Variants in CYP2A13 observed in about 807,000 individuals in gnomAD.
CYP2A13 encodes cytochrome P450 family 2 subfamily A member 13.
In CYP2A13, 30 loss-of-function variants were observed where a neutral mutation model predicts 39.4. The observed-to-expected ratio is 0.76, with a 90% confidence interval of 0.57 to 1.03. CYP2A13 has a LOEUF of 1.03. Ranked by LOEUF, CYP2A13 falls within the 50% of genes least tolerant of loss-of-function variation. The pLI is 0.00. For synonymous variants in CYP2A13, 269 were observed against 254.7 expected, an observed-to-expected ratio of 1.06 and a Z score of -0.54; for missense variants, 731 against 648.4, an observed-to-expected ratio of 1.13 and a Z score of -1.38.
chr19:41,092,010 T>G lies in CYP2A13; in HGVS notation c.831+102T>G, dbSNP rs1031859164. 5.9e-6 allele frequency: 9 copies of G among 1,516,388 alleles called. No homozygotes were observed. The African/African-American group carries it at 1.1e-4, about 19-fold the overall frequency. The allele number at this position is 1,516,388 out of a possible 1,614,324, so 93.9% of individuals were successfully genotyped here. A position where few individuals can be genotyped will look rare whatever the true frequency, so the allele number is the denominator to read the frequency against. On this transcript the variant is annotated intron_variant, in intron 5 of 8. Transcript: ENST00000330436. ...GACACAGGCCCATTCAAATTAGCCC[T>G]CGTCATAATAATCCTTACAATTGGC...
At chr19:41,089,946 C>G (rs1427564228) in intron 2 of CYP2A13, 101 bp from the exon 3 acceptor site, 7 of 1,407,348 alleles carry the variant, frequency 5.0e-6, no homozygotes, top group Non-Finnish European at 6.6e-6. Context: ...TCTCCCACCC[C>G]ACTCCCTCTC....
chr19:41,090,207 G>A lies in CYP2A13; in HGVS notation c.493+11G>A. 1 of 1,557,060 alleles carries A rather than the reference G, an allele frequency of 6.4e-7. No homozygotes were observed. Among genetic ancestry groups the A allele is most frequent in the Non-Finnish European group, 8.7e-7 (1 of 1,150,670 alleles). ...TCCGGGGCACGCACGGTGAGTAGGG[G>A]ACCCCGAGTGCGAGGGCGGGAACCC... On this transcript the variant is annotated intron_variant, in intron 3 of 8. Coordinates refer to ENST00000330436, the MANE Select transcript of CYP2A13 (RefSeq NM_000766.5).
chr19:41,090,666 G>C, intron 4 of CYP2A13, 102 bp downstream of exon 4: 8 of 1,564,144 alleles, frequency 5.1e-6, no homozygotes, highest in Non-Finnish European at 6.1e-6. Flanking sequence ...TCCAGACAGT[G>C]TCCCCTCAAA....
In CYP2A13 at chr19:41,095,794, A is replaced by G; in HGVS notation, c.1338A>G (p.Arg446=). 10 of 1,614,032 alleles carry G rather than the reference A, an allele frequency of 6.2e-6. No individual in the cohort carries two copies. Among genetic ancestry groups the G allele is most frequent in the Non-Finnish European group, 8.5e-6 (10 of 1,179,982 alleles). Residue 446 remains arginine, a synonymous_variant, in exon 9 of 9, where the codon AGA becomes AGG. Coordinates refer to ENST00000330436, the MANE Select transcript of CYP2A13 (RefSeq NM_000766.5). The stretch of plus-strand genomic sequence containing the variant: ...ACTGTTTTGGAGAAGGCCTGGCCAG[A>G]ATGGAGCTCTTTCTCTTCTTCACCA... ...KRYCFGEGLA[R]MELFLFFTTI...
chr19:41,095,991 C>G lies in CYP2A13; in HGVS notation c.*50C>G, dbSNP rs1709083. The G allele has an allele frequency of 0.28, 150,758 of 537,096 alleles. 8,741 individuals are homozygous for G. Among genetic ancestry groups the G allele is most frequent in the African/African-American group, 0.46 (17,470 of 37,966 alleles). The allele number at this position is 537,096 out of a possible 1,614,324, so 33.3% of individuals were successfully genotyped here. On this transcript the variant is annotated 3_prime_UTR_variant, in exon 9 of 9. Transcript: ENST00000330436. ...TGGTGGGCGGGGCCAGGGAAACGGC[C>G]GGGGCAGGGGCGGGGCTTGTGGGAG...
chr19:41,089,131 T>C (rs1263144140), intron 2 of CYP2A13, 40 bp downstream of exon 2: 3 of 1,610,330 alleles, frequency 1.9e-6, no homozygotes, highest in East Asian at 2.2e-5. Context: ...GCCAGGTGGA[T>C]GCAATGGTCT....
At chr19:41,095,417 G>A (rs1472775094) in intron 8 of CYP2A13, among the ~76,000 whole-genome samples, 1 of 152,080 alleles carries the variant, frequency 6.6e-6, no homozygotes. Flanking sequence ...GGGGGTAGGG[G>A]CATCTAAACC....
intron 4 of CYP2A13, among the ~76,000 whole-genome samples, chr19:41,090,807 T>A (rs1021491265): frequency 3.9e-5 from 6 of 152,172 alleles, no homozygotes; most frequent in African/African-American, 1.4e-4. Flanking sequence ...GCAGGATGCA[T>A]ACCCTCAGCT....
intron 5 of CYP2A13, among the ~76,000 whole-genome samples, chr19:41,092,279 G>A (rs918466840): frequency 7.7e-6 from 1 of 129,996 alleles, no homozygotes; most frequent in African/African-American, 3.0e-5. Flanking sequence ...TCATGCCACT[G>A]CACTCCGGCC....
chr19:41,091,687 C>T (rs376083988), intron 4 of CYP2A13, 45 bp from the exon 5 acceptor site: 40 of 1,606,458 alleles, frequency 2.5e-5, no homozygotes, highest in African/African-American at 1.2e-4. Context: ...GCTCCTGCCC[C>T]GTGACAGCTG....
intron 5 of CYP2A13, among the ~76,000 whole-genome samples, chr19:41,092,994 A>G (rs1383396338): frequency 6.6e-6 from 1 of 151,964 alleles, no homozygotes; most frequent in East Asian, 1.9e-4. Flanking sequence ...CTTTCCAAAT[A>G]TTCCTATCAT....
chr19:41,096,165 G>A lies in CYP2A13; in HGVS notation c.*224G>A, dbSNP rs1175696251. ...GAAACCTTACAGTATGCTACAAAGA[G>A]TAGTAATAATAGCAGCTCTTATTTC... is the stretch of plus-strand genomic sequence containing the variant. On this transcript the variant is annotated 3_prime_UTR_variant, in exon 9 of 9. Coordinates refer to ENST00000330436, the MANE Select transcript of CYP2A13 (RefSeq NM_000766.5). 1 of 661,320 alleles carries A rather than the reference G, an allele frequency of 1.5e-6. No individual in the cohort carries two copies. The highest frequency in any genetic ancestry group is 2.6e-6 in the Non-Finnish European group (1 of 387,604). The allele number at this position is 661,320 out of a possible 1,614,324, so 41.0% of individuals were successfully genotyped here. A position where few individuals can be genotyped will look rare whatever the true frequency, so the allele number is the denominator to read the frequency against.
At chr19:41,095,414 G>A (rs1161053950) in intron 8 of CYP2A13, among the ~76,000 whole-genome samples, 1 of 152,106 alleles carries the variant, frequency 6.6e-6, no homozygotes, top group African/African-American at 2.4e-5. Context: ...CTGGGGGGTA[G>A]GGGCATCTAA....
rs769530297 is a variant in CYP2A13 at position 41,094,400 on chromosome 19, G to A, written c.1129G>A (p.Asp377Asn). The change falls in exon 7 of 9, where the codon GAC becomes AAC. Residue 377 changes from aspartate to asparagine, a missense_variant. Transcript: ENST00000330436. Reference protein sequence around the residue: ...PMGLAHRVNKDTKFRDFFLPK... With the variant: ...PMGLAHRVNKNTKFRDFFLPK... ...GGGTTTGGCCCACAGGGTCAACAAG[G>A]ACACCAAGTTTCGGGATTTCTTCCT... 1.2e-6 allele frequency: 2 copies of A among 1,614,044 alleles called. No individual in the cohort carries two copies. The highest frequency in any genetic ancestry group is 2.2e-5 in the South Asian group (2 of 91,072).
chr19:41,089,307 G>T (rs551715586), intron 2 of CYP2A13, among the ~76,000 whole-genome samples: 1 of 151,948 alleles, frequency 6.6e-6, no homozygotes, highest in African/African-American at 2.4e-5. Context: ...TCTCTGCCCC[G>T]TCTCCTCCTT....
At chr19:41,090,669 C>T (rs1056724450) in intron 4 of CYP2A13, 105 bp downstream of exon 4, 48 of 1,550,508 alleles carry the variant, frequency 3.1e-5, no homozygotes, top group Non-Finnish European at 3.6e-5. Context: ...AGACAGTGTC[C>T]CCTCAAAATC....
At chr19:41,089,176 C>A (rs936447755) in intron 2 of CYP2A13, 85 bp downstream of exon 2, 41 of 1,582,374 alleles carry the variant, frequency 2.6e-5, no homozygotes, top group African/African-American at 1.5e-4. Flanking sequence ...CTCTCCTGCC[C>A]ACTGGAGGCT....
chr19:41,089,851 TCTCTCTCTCTCTCTC>T (rs1568366714), intron 2 of CYP2A13, among the ~76,000 whole-genome samples, 181 bp from the exon 3 acceptor site: 7 of 122,090 alleles, frequency 5.7e-5, no homozygotes, highest in Non-Finnish European at 3.6e-5. Context: ...TCTCTCTCTC[TCTCTCTCTCTCTCTC>T]TCTCTCGTGC....
chr19:41,089,817 TCTCTCTCTCTCTCTCTCTCTCTC>T, intron 2 of CYP2A13, among the ~76,000 whole-genome samples: 1 of 26,614 alleles, frequency 3.8e-5, no homozygotes, highest in Admixed American at 3.8e-4. Context: ...TCTCTCTCTC[TCTCTCTCTCTCTCTCTCTCTCTC>T]TCTCTCTCTC....
Sources: gnomAD v4.1 joint callset for allele counts (sites outside exome capture counted in the v4.1 genomes callset) on GRCh38, gnomAD v4.1.1 for gene constraint, MANE v1.5 for transcripts, NCBI Gene and HGNC (gene_info 2026-07-23, HGNC 2026-07-21) for gene names.